Variants in SYT9 observed in about 807,000 individuals in gnomAD.
SYT9 encodes synaptotagmin-9.
SYT9 carries 22 observed loss-of-function variants against 48.4 expected under a neutral mutation model. That is an observed-to-expected ratio of 0.45 (90% CI 0.32 to 0.65). The LOEUF is 0.65. Ranked by LOEUF, SYT9 falls within the 30% of genes least tolerant of loss-of-function variation. The pLI is 0.03. For synonymous variants in SYT9, 265 were observed against 245.0 expected (o/e 1.08, Z -0.76); for missense variants, 577 against 622.0 (o/e 0.93, Z 0.77).
Position 7,467,282 on chromosome 11 carries a change from G to T in SYT9, c.*482G>T. On this transcript the variant is annotated 3_prime_UTR_variant, in exon 7 of 7. Transcript: ENST00000318881. ...CACACATGACTACCTTTGAGCTAATGACTGTCTCCAGAAAATAACTGTGCC... is the reference window on the plus strand; with the variant it reads ...CACACATGACTACCTTTGAGCTAATTACTGTCTCCAGAAAATAACTGTGCC... 6.5e-6 allele frequency: 1 copy of T among 153,994 alleles called. No homozygotes were observed. The highest frequency in any genetic ancestry group is 1.5e-5 in the Non-Finnish European group (1 of 68,946). The allele number at this position is 153,994 out of a possible 1,614,324, so 9.5% of individuals were successfully genotyped here.
intron 6 of SYT9, among the ~76,000 whole-genome samples, chr11:7,452,148 C>CACACAA (rs60058723): frequency 3.3e-5 from 5 of 150,248 alleles, no homozygotes; most frequent in African/African-American, 1.2e-4. Flanking sequence ...CACACACACA[C>CACACAA]TGAGGAAAAA....
intron 3 of SYT9, among the ~76,000 whole-genome samples, chr11:7,386,862 G>A (rs970649023): frequency 7.9e-5 from 12 of 152,192 alleles, no homozygotes; most frequent in East Asian, 1.9e-4. Context: ...TGTTTATTGC[G>A]GCACTATTCA....
chr11:7,399,350 G>A (rs1846832444), intron 3 of SYT9, among the ~76,000 whole-genome samples: 1 of 152,168 alleles, frequency 6.6e-6, no homozygotes, highest in Non-Finnish European at 1.5e-5. Flanking sequence ...TCTCAATCAT[G>A]TATTGAAAGA....
intron 6 of SYT9, among the ~76,000 whole-genome samples, chr11:7,443,088 C>A (rs933123668): frequency 6.6e-6 from 1 of 152,172 alleles, no homozygotes; most frequent in Non-Finnish European, 1.5e-5. Flanking sequence ...TTCTGGTGTG[C>A]CCTTGTGGAA....
intron 6 of SYT9, among the ~76,000 whole-genome samples, chr11:7,454,853 C>G (rs1305379197): frequency 1.3e-5 from 2 of 152,168 alleles, no homozygotes; most frequent in Non-Finnish European, 2.9e-5. Context: ...TCTCCACTCA[C>G]CAAGTGGTGA....
At chr11:7,402,485 G>C (rs1590000549) in intron 3 of SYT9, among the ~76,000 whole-genome samples, 1 of 151,980 alleles carries the variant, frequency 6.6e-6, no homozygotes. Flanking sequence ...GATTATATCA[G>C]ATTTGTTTAG....
At chr11:7,264,867 T>C (rs1462933031) in intron 1 of SYT9, among the ~76,000 whole-genome samples, 1 of 152,052 alleles carries the variant, frequency 6.6e-6, no homozygotes, top group Non-Finnish European at 1.5e-5. Context: ...GCAACTGGGC[T>C]CTCCCAGGAA....
intron 1 of SYT9, among the ~76,000 whole-genome samples, chr11:7,241,979 G>C (rs1200494725): frequency 6.6e-6 from 1 of 152,190 alleles, no homozygotes; most frequent in Non-Finnish European, 1.5e-5. Context: ...TTAGACTTCA[G>C]AGTTTCAATG....
chr11:7,395,800 A>C (rs1031531773), intron 3 of SYT9, among the ~76,000 whole-genome samples: 27 of 151,488 alleles, frequency 1.8e-4, no homozygotes, highest in African/African-American at 5.8e-4. Context: ...TCATCCTGTC[A>C]CTCTATGTCA....
chr11:7,263,485 C>T (rs1848117696), intron 1 of SYT9, among the ~76,000 whole-genome samples: 1 of 152,172 alleles, frequency 6.6e-6, no homozygotes, highest in Non-Finnish European at 1.5e-5. Flanking sequence ...CAGATCTTCA[C>T]ACTTACCAAG....
chr11:7,376,118 C>G (rs1051301555), intron 3 of SYT9, among the ~76,000 whole-genome samples: 4 of 150,136 alleles, frequency 2.7e-5, no homozygotes. Flanking sequence ...CATGACAACT[C>G]TACTATGTCA....
chr11:7,369,950 A>G (rs1174144409), intron 3 of SYT9, among the ~76,000 whole-genome samples: 1 of 151,978 alleles, frequency 6.6e-6, no homozygotes, highest in East Asian at 1.9e-4. Flanking sequence ...ATCTGGTTAC[A>G]TGAGTAAGTT....
chr11:7,346,328 A>G (rs891621749), intron 3 of SYT9, among the ~76,000 whole-genome samples: 3 of 152,212 alleles, frequency 2.0e-5, no homozygotes, highest in African/African-American at 7.2e-5. Context: ...TGCAAGAAAG[A>G]GAGGATGAGC....
chr11:7,242,930 C>G (rs1847754496), intron 1 of SYT9, among the ~76,000 whole-genome samples: 1 of 152,012 alleles, frequency 6.6e-6, no homozygotes, highest in Non-Finnish European at 1.5e-5. Flanking sequence ...CCTGTAATCC[C>G]AGCTCCTCGG....
At chr11:7,359,989 A>G (rs1202935349) in intron 3 of SYT9, among the ~76,000 whole-genome samples, 5 of 150,938 alleles carry the variant, frequency 3.3e-5, no homozygotes, top group African/African-American at 1.2e-4. Flanking sequence ...TTTTAGGTCT[A>G]ACATGTAAGT....
intron 1 of SYT9, among the ~76,000 whole-genome samples, chr11:7,263,292 A>T (rs1284208923): frequency 6.6e-6 from 1 of 152,152 alleles, no homozygotes; most frequent in East Asian, 1.9e-4. Flanking sequence ...CGTGTTCCTC[A>T]TAGACAGCAC....
At chr11:7,286,878 C>G (rs551171883) in intron 1 of SYT9, among the ~76,000 whole-genome samples, 1 of 152,302 alleles carries the variant, frequency 6.6e-6, no homozygotes, top group South Asian at 2.1e-4. Context: ...GCATTTTGGT[C>G]AAAACCATTC....
chr11:7,281,570 G>C (rs1346610495), intron 1 of SYT9, among the ~76,000 whole-genome samples: 1 of 152,152 alleles, frequency 6.6e-6, no homozygotes, highest in South Asian at 2.1e-4. Context: ...TGGCAGCCTA[G>C]CTGTGGCCAT....
At chr11:7,442,285 T>C (rs1302196434) in intron 6 of SYT9, among the ~76,000 whole-genome samples, 59 of 152,306 alleles carry the variant, frequency 3.9e-4, no homozygotes, top group Non-Finnish European at 2.1e-4. Flanking sequence ...GAAGAGGGGC[T>C]GGAGAACACG....
Sources: gnomAD v4.1 joint callset for allele counts (sites outside exome capture counted in the v4.1 genomes callset) on GRCh38, gnomAD v4.1.1 for gene constraint, MANE v1.5 for transcripts, NCBI Gene and HGNC (gene_info 2026-07-23, HGNC 2026-07-21) for gene names.